SV2B: variants seen among roughly 807,000 people sequenced by gnomAD.
The protein encoded by SV2B is solute carrier family 22 member B2.
Under a neutral mutation model 73.9 loss-of-function variants are expected in SV2B, and 41 were observed. The observed-to-expected ratio is 0.56, with a 90% CI of 0.43 to 0.72. SV2B has a LOEUF of 0.72. SV2B is among the 30% of genes least tolerant of loss of function. The pLI is 0.00. For missense variants in SV2B, 764 were observed against 857.8 expected, an observed-to-expected ratio of 0.89 and a Z score of 1.37; for synonymous variants, 314 against 314.2, an observed-to-expected ratio of 1.00 and a Z score of 0.01.
intron 6 of SV2B, among the ~76,000 whole-genome samples, chr15:91,264,169 G>A (rs113514883): frequency 9.2e-5 from 14 of 152,336 alleles, no homozygotes; most frequent in African/African-American, 2.6e-4. Flanking sequence ...TTAGCCAGGC[G>A]TTTCCTAACT....
intron 1 of SV2B, among the ~76,000 whole-genome samples, chr15:91,113,501 G>A (rs927182785): frequency 1.3e-5 from 2 of 151,278 alleles, no homozygotes; most frequent in Admixed American, 1.3e-4. Context: ...CCAGAGGCAT[G>A]TTTCTTGATA....
At chr15:91,259,743 A>G (rs1035900654) in intron 5 of SV2B, among the ~76,000 whole-genome samples, 22 of 152,112 alleles carry the variant, frequency 1.4e-4, no homozygotes, top group African/African-American at 4.3e-4. Context: ...CGTGGCCTTC[A>G]TCGTCACATG....
intron 2 of SV2B, among the ~76,000 whole-genome samples, chr15:91,238,663 T>C (rs545996946): frequency 5.1e-4 from 77 of 152,312 alleles, no homozygotes; most frequent in Admixed American, 1.6e-3. Context: ...AGCCAGTGGG[T>C]GTAAAATCAG....
chr15:91,147,964 ACTTT>A (rs2043194755), intron 1 of SV2B, among the ~76,000 whole-genome samples: 2 of 57,636 alleles, frequency 3.5e-5, no homozygotes, highest in Non-Finnish European at 3.8e-5. Flanking sequence ...ACCCCCCCCA[ACTTT>A]TTTTTTTTTT....
chr15:91,193,474 T>G (rs1429580384), intron 1 of SV2B, among the ~76,000 whole-genome samples: 1 of 152,208 alleles, frequency 6.6e-6, no homozygotes, highest in Non-Finnish European at 1.5e-5. Flanking sequence ...CCAGACCGTC[T>G]GTGCTTCCTT....
In SV2B at chr15:91,263,903, C is replaced by CT. The variant is rs1371183059; in HGVS notation, c.1009-2678dup. 5.9e-5 allele frequency among the ~76,000 whole-genome samples: 9 copies of CT among 152,372 alleles called. 1 individual carries two copies. Among genetic ancestry groups the CT allele is most frequent in the Non-Finnish European group, 1.3e-4 (9 of 68,044 alleles). On this transcript the variant is annotated intron_variant, in intron 6 of 12. Transcript: ENST00000394232. ...TTCTCCCTTTCGAATAAAACAGTTC[C>CT]TCCTTGCTTATGCACAGTAGGTTAC...
intron 2 of SV2B, among the ~76,000 whole-genome samples, chr15:91,235,922 C>T (rs3784773): frequency 2.6e-5 from 4 of 151,878 alleles, no homozygotes; most frequent in East Asian, 1.9e-4. Flanking sequence ...GAGAGAAGAC[C>T]GGGCAGTAGA....
chr15:91,169,822 T>G (rs2141276329), intron 1 of SV2B, among the ~76,000 whole-genome samples: 1 of 152,318 alleles, frequency 6.6e-6, no homozygotes, highest in African/African-American at 2.4e-5. Context: ...GAGGCCCCAG[T>G]TGAGCTGAGA....
rs531712716 is a variant in SV2B, at chr15:91,205,447, C to A, written c.-391-20426C>A. 2.6e-4 allele frequency among the ~76,000 whole-genome samples: 39 copies of A among 150,860 alleles called. 1 individual carries two copies. In the South Asian group the frequency reaches 8.2e-3, roughly 32 times the overall value. ...CAGTGGTGATCTCGGTACACTGCAG[C>A]CTCTGCCTCCTGAGTTCAAGTGATT... is the stretch of plus-strand genomic sequence containing the variant. On this transcript the variant is annotated intron_variant, in intron 1 of 12. Transcript: ENST00000394232.
chr15:91,114,628 A>C (rs928000858), intron 1 of SV2B, among the ~76,000 whole-genome samples: 34 of 152,294 alleles, frequency 2.2e-4, no homozygotes, highest in African/African-American at 3.6e-4. Flanking sequence ...ATGGAGGAAG[A>C]GACTGAGGCC....
At chr15:91,256,323 A>G (rs1277121485) in intron 4 of SV2B, among the ~76,000 whole-genome samples, 1 of 152,200 alleles carries the variant, frequency 6.6e-6, no homozygotes, top group Non-Finnish European at 1.5e-5. Flanking sequence ...ATAAATGCAG[A>G]TTACTGAAAT....
rs2048789699 is a variant in SV2B, at chr15:91,284,342, A to C, written c.1708+121A>C. On this transcript the variant is annotated intron_variant, in intron 11 of 12. Coordinates refer to ENST00000394232, the MANE Select transcript of SV2B (RefSeq NM_001323032.3). The surrounding 1 kb of genome is among the most constrained non-coding windows in gnomAD (Gnocchi z 4.5). ...TTCTTGCACAACAAACCCAACAAGT[A>C]AGATTGCACCCAGGGCTATAGAGCC... The C allele has an allele frequency of 1.8e-6, 2 of 1,104,800 alleles. No homozygotes were observed. The highest frequency in any genetic ancestry group is 2.6e-6 in the Non-Finnish European group (2 of 774,866). 68.4% of individuals were successfully genotyped at this position (1,104,800 alleles called of 1,614,324 possible). A position where few individuals can be genotyped will look rare whatever the true frequency, so the allele number is the denominator to read the frequency against.
chr15:91,250,660 T>C (rs74496551), intron 2 of SV2B, among the ~76,000 whole-genome samples: 2,142 of 152,302 alleles, frequency 0.014, 46 homozygotes, highest in African/African-American at 0.047. Context: ...AATGTTTCTA[T>C]ATGCTAACAA....
chr15:91,209,114 G>GTTTTTTTTTT (rs903531189), intron 1 of SV2B, among the ~76,000 whole-genome samples: 27 of 89,976 alleles, frequency 3.0e-4, no homozygotes, highest in African/African-American at 8.1e-4. Flanking sequence ...ACTGTTTTTT[G>GTTTTTTTTTT]TTTTTTTTTT....
chr15:91,190,127 A>G (rs2044951229), intron 1 of SV2B, among the ~76,000 whole-genome samples: 2 of 151,832 alleles, frequency 1.3e-5, no homozygotes, highest in African/African-American at 4.8e-5. Flanking sequence ...TTTAAATTTT[A>G]TTATTATTAT....
chr15:91,267,198 G>GCCTCTGT lies in SV2B; in HGVS notation c.1120-357_1120-356insCCTCTGT. Reference sequence around the variant, plus strand: ...GGACTGGTTGGCCTTCATGGTGTATGGTCAGTAAATGTTTGCAATATCCCC... The same window carrying GCCTCTGT: ...GGACTGGTTGGCCTTCATGGTGTATGCCTCTGTGTCAGTAAATGTTTGCAATATCCCC... On this transcript the variant is annotated intron_variant, in intron 7 of 12. Coordinates refer to ENST00000394232, the MANE Select transcript of SV2B (RefSeq NM_001323032.3). This position sits in a 1 kb window ranked among gnomAD's most constrained non-coding sequence, Gnocchi z 4.3. 6.6e-6 allele frequency among the ~76,000 whole-genome samples: 1 copy of GCCTCTGT among 152,204 alleles called. No individual in the cohort carries two copies. The highest frequency in any genetic ancestry group is 1.5e-5 in the Non-Finnish European group (1 of 68,030).
rs62026587 is a variant in SV2B at position 91,212,962 on chromosome 15, G to A, written c.-391-12911G>A. On this transcript the variant is annotated intron_variant, in intron 1 of 12. Coordinates refer to ENST00000394232, the MANE Select transcript of SV2B (RefSeq NM_001323032.3). ...TTGAGACCAGCCTGGCCAACATGGT[G>A]AAACCCTGTCTCTACTAAAAAAAAA... Among the ~76,000 whole-genome samples, 1,011 of 147,006 alleles carry A rather than the reference G, an allele frequency of 6.9e-3. 3 individuals carry two copies. The highest frequency in any genetic ancestry group is 0.011 in the Non-Finnish European group (756 of 67,372).
intron 2 of SV2B, among the ~76,000 whole-genome samples, chr15:91,249,980 T>C (rs2047418869): frequency 6.6e-6 from 1 of 152,040 alleles, no homozygotes; most frequent in Non-Finnish European, 1.5e-5. Context: ...TTCCAGAAAA[T>C]TGAAGGTGAA....
At chr15:91,175,777 A>G (rs894390266) in intron 1 of SV2B, among the ~76,000 whole-genome samples, 5 of 151,760 alleles carry the variant, frequency 3.3e-5, no homozygotes, top group Non-Finnish European at 5.9e-5. Context: ...CTGCACAGAG[A>G]CATACAATTC....
Sources: gnomAD v4.1 joint callset for allele counts (sites outside exome capture counted in the v4.1 genomes callset) on GRCh38, gnomAD v4.1.1 for gene constraint, Gnocchi (gnomAD v3.1) non-coding constraint, MANE v1.5 for transcripts, NCBI Gene and HGNC (gene_info 2026-07-23, HGNC 2026-07-21) for gene names.